The following CRACR2A variants were observed in gnomAD, a reference collection of about 807,000 sequenced individuals.
The protein encoded by CRACR2A is calcium release activated channel regulator 2A.
In CRACR2A, 79 loss-of-function variants were observed where a neutral mutation model predicts 90.5. That is an observed-to-expected ratio of 0.87 (90% CI 0.73 to 1.05). The LOEUF is 1.05. CRACR2A is among the 50% of genes least tolerant of loss of function. CRACR2A has a pLI of 0.00. For missense variants in CRACR2A, 823 were observed against 897.2 expected, an observed-to-expected ratio of 0.92 and a Z score of 1.06; for synonymous variants, 338 against 356.7, an observed-to-expected ratio of 0.95 and a Z score of 0.59.
intron 10 of CRACR2A, among the ~76,000 whole-genome samples, chr12:3,649,040 C>T (rs1211622808): frequency 2.7e-5 from 4 of 150,528 alleles, no homozygotes; most frequent in Non-Finnish European, 4.4e-5. Context: ...AATGAGAACA[C>T]GGACACAGGA....
chr12:3,630,815 T>C (rs1944364294), intron 15 of CRACR2A, among the ~76,000 whole-genome samples: 2 of 152,176 alleles, frequency 1.3e-5, no homozygotes, highest in Admixed American at 6.5e-5. Context: ...GACGCCCCAG[T>C]CACCAGTTGC....
chr12:3,659,672 GGA>G lies in CRACR2A; in HGVS notation c.672-20_672-19del. On this transcript the variant is annotated intron_variant, in intron 7 of 19. Transcript: ENST00000440314. ...CAATTTTCCTACAGAGGTGGCAAAAGGAGAGTCTCATTGAGGTTCCCCTACTC... is the reference window on the plus strand; with the variant it reads ...CAATTTTCCTACAGAGGTGGCAAAAGGAGTCTCATTGAGGTTCCCCTACTC... 1 of 1,608,896 alleles carries G rather than the reference GGA, an allele frequency of 6.2e-7. No individual in the cohort carries two copies. Among genetic ancestry groups the G allele is most frequent in the Non-Finnish European group, 8.5e-7 (1 of 1,175,230 alleles).
intron 17 of CRACR2A, among the ~76,000 whole-genome samples, chr12:3,626,406 C>T (rs1006356065): frequency 3.9e-5 from 6 of 152,202 alleles, no homozygotes; most frequent in African/African-American, 1.4e-4. Context: ...TGTTCTTAGG[C>T]AGCACGGAGT....
At chr12:3,691,858 T>A (rs1331746665) in intron 4 of CRACR2A, among the ~76,000 whole-genome samples, 2 of 152,258 alleles carry the variant, frequency 1.3e-5, no homozygotes, top group Non-Finnish European at 2.9e-5. Context: ...CATTCTTTTT[T>A]CTCTATTCTT....
chr12:3,714,072 G>A (rs1321159708), intron 2 of CRACR2A, among the ~76,000 whole-genome samples: 1 of 152,236 alleles, frequency 6.6e-6, no homozygotes, highest in Non-Finnish European at 1.5e-5. Flanking sequence ...AAGTCCAGAT[G>A]TATATCACCA....
chr12:3,736,061 G>A (rs965734352), intron 1 of CRACR2A, among the ~76,000 whole-genome samples: 11 of 152,096 alleles, frequency 7.2e-5, no homozygotes, highest in Non-Finnish European at 1.6e-4. Flanking sequence ...AAAGGTATGG[G>A]GTGAGGCAGG....
intron 4 of CRACR2A, among the ~76,000 whole-genome samples, chr12:3,693,191 G>A (rs73049157): frequency 0.1 from 15,294 of 152,306 alleles, 860 homozygotes; most frequent in African/African-American, 0.14. Context: ...GCTGCAACGT[G>A]AGGAGGGAGC....
chr12:3,697,295 T>G (rs536759047), intron 3 of CRACR2A, among the ~76,000 whole-genome samples: 1 of 152,142 alleles, frequency 6.6e-6, no homozygotes, highest in African/African-American at 2.4e-5. Flanking sequence ...GGAGATGGAA[T>G]AGGGGAAGCC....
At chr12:3,704,766 A>C (rs1363550360) in intron 3 of CRACR2A, among the ~76,000 whole-genome samples, 2 of 152,186 alleles carry the variant, frequency 1.3e-5, no homozygotes, top group African/African-American at 4.8e-5. Context: ...TTCCCTGTGA[A>C]AACTTTCAGT....
intron 1 of CRACR2A, among the ~76,000 whole-genome samples, chr12:3,739,700 C>T (rs890871239): frequency 2.0e-5 from 3 of 152,080 alleles, no homozygotes; most frequent in Non-Finnish European, 4.4e-5. Flanking sequence ...CTTTGGGAGG[C>T]CGAGGCGGGT....
chr12:3,746,334 A>G lies in CRACR2A; in HGVS notation c.-387+6681T>C, dbSNP rs1003263025. Among the ~76,000 whole-genome samples, 1 of 151,600 alleles carries G rather than the reference A, an allele frequency of 6.6e-6. No homozygotes were observed. The highest frequency in any genetic ancestry group is 1.5e-5 in the Non-Finnish European group (1 of 67,866). On this transcript the variant is annotated intron_variant, in intron 1 of 19. Coordinates refer to ENST00000440314, the MANE Select transcript of CRACR2A (RefSeq NM_001144958.2). This position sits in a 1 kb window ranked among gnomAD's most constrained non-coding sequence, Gnocchi z 4.4. Reference sequence around the variant, plus strand: ...CCTCATGATGGGATTAGTGCCCATCATGAAGAGACACCAGAGAGCTCTCTC... The same window carrying G: ...CCTCATGATGGGATTAGTGCCCATCGTGAAGAGACACCAGAGAGCTCTCTC...
At chr12:3,637,304 A>G (rs140162163) in intron 14 of CRACR2A, among the ~76,000 whole-genome samples, 11 of 152,356 alleles carry the variant, frequency 7.2e-5, no homozygotes, top group Non-Finnish European at 1.6e-4. Flanking sequence ...TTAAAAGTGT[A>G]GGAAATTGTA....
intron 17 of CRACR2A, among the ~76,000 whole-genome samples, chr12:3,624,631 G>T (rs1412402136): frequency 6.6e-6 from 1 of 152,218 alleles, no homozygotes; most frequent in Non-Finnish European, 1.5e-5. Context: ...GAGTCCCAGA[G>T]CTCCTAGTGT....
intron 3 of CRACR2A, among the ~76,000 whole-genome samples, chr12:3,710,804 AAGAAAG>A (rs1945997422): frequency 6.8e-6 from 1 of 146,768 alleles, no homozygotes; most frequent in Non-Finnish European, 1.5e-5. Flanking sequence ...AAAAAAAAAA[AAGAAAG>A]AAAGAAAGAA....
At position 3,655,367 on chromosome 12, in the gene CRACR2A, T is replaced by C. The variant is rs151126671; in HGVS notation, c.858+944A>G. 3.4e-3 allele frequency among the ~76,000 whole-genome samples: 516 copies of C among 152,356 alleles called. 5 individuals carry two copies. Among genetic ancestry groups the C allele is most frequent in the African/African-American group, 0.012 (489 of 41,586 alleles). ...GGCAGTTCCCGGAGTAGAAATCATC[T>C]TGCTGCAGAAGGAAAGAGACCTAAA... On this transcript the variant is annotated intron_variant, in intron 9 of 19. Transcript: ENST00000440314.
At chr12:3,654,487 TG>T in intron 9 of CRACR2A, 88 bp from the exon 10 acceptor site, 1 of 1,367,832 alleles carries the variant, frequency 7.3e-7, no homozygotes, top group Non-Finnish European at 9.8e-7. Flanking sequence ...TTTCTCTGCT[TG>T]GCAGGCAGGA....
intron 8 of CRACR2A, among the ~76,000 whole-genome samples, chr12:3,658,474 T>C (rs1054478143): frequency 6.6e-6 from 1 of 152,024 alleles, no homozygotes; most frequent in Non-Finnish European, 1.5e-5. Flanking sequence ...GTCAACTAGG[T>C]TGAGGGGCAG....
At chr12:3,690,672 G>C (rs57802028) in intron 4 of CRACR2A, among the ~76,000 whole-genome samples, 21,092 of 152,166 alleles carry the variant, frequency 0.14, 1,647 homozygotes, top group Admixed American at 0.22. Context: ...ATGTCTATCA[G>C]GTCCATTTGG....
chr12:3,657,584 G>A (rs1205096084), intron 8 of CRACR2A, among the ~76,000 whole-genome samples: 1 of 152,174 alleles, frequency 6.6e-6, no homozygotes, highest in Non-Finnish European at 1.5e-5. Context: ...GAACCACTGG[G>A]ACAGCCTGTG....
Sources: allele counts gnomAD v4.1 joint callset (sites outside exome capture counted in the v4.1 genomes callset), GRCh38; gene constraint gnomAD v4.1.1; non-coding constraint Gnocchi (gnomAD v3.1); transcripts MANE v1.5; gene names NCBI Gene and HGNC (gene_info 2026-07-23, HGNC 2026-07-21).